The following DCAF10 variants were observed in gnomAD, a reference collection of about 807,000 sequenced individuals.
DCAF10 encodes DDB1- and CUL4-associated factor 10.
In DCAF10, 19 loss-of-function variants were observed where a neutral mutation model predicts 51.9. The ratio of observed to expected loss-of-function variants is 0.37; its 90% CI spans 0.26 to 0.54. The LOEUF (loss-of-function observed/expected upper bound fraction) is 0.54. Ranked by LOEUF, DCAF10 falls within the 20% of genes least tolerant of loss-of-function variation. DCAF10 has a pLI of 0.87. For missense variants in DCAF10, 510 were observed against 730.6 expected (o/e 0.70, Z 3.48); for synonymous variants, 291 against 297.1 (o/e 0.98, Z 0.21).
chr9:37,848,037 G>A (rs572205175), intron 3 of DCAF10, among the ~76,000 whole-genome samples: 10 of 152,162 alleles, frequency 6.6e-5, no homozygotes, highest in Non-Finnish European at 1.0e-4. Flanking sequence ...TGGATTCGAA[G>A]ACTCCATATT....
At chr9:37,819,544 T>C (rs952869756) in intron 2 of DCAF10, 143 bp downstream of exon 2, 2 of 568,358 alleles carry the variant, frequency 3.5e-6, no homozygotes. Context: ...TAATCCCTTA[T>C]AAAACTAATC....
intron 2 of DCAF10, among the ~76,000 whole-genome samples, chr9:37,832,407 G>A (rs1404712344): frequency 1.3e-4 from 20 of 151,526 alleles, no homozygotes; most frequent in Non-Finnish European, 2.6e-4. Context: ...GCAGTGAGCC[G>A]AGATCACGCC....
chr9:37,833,557 G>T (rs1830064180), intron 2 of DCAF10, among the ~76,000 whole-genome samples: 2 of 151,990 alleles, frequency 1.3e-5, no homozygotes, highest in Non-Finnish European at 2.9e-5. Flanking sequence ...TTCATTTTCA[G>T]TTTCTTTTAT....
In DCAF10 at chr9:37,801,301, T is replaced by C. The variant is rs1343324908; in HGVS notation, c.435T>C (p.Phe145=). The C allele has an allele frequency of 6.3e-7, 1 of 1,598,012 alleles. No individual in the cohort carries two copies. The highest frequency in any genetic ancestry group is 1.1e-5 in the South Asian group (1 of 88,586). The change falls in exon 1 of 7, where the codon TTT becomes TTC. Residue 145 remains phenylalanine (F), a synonymous_variant. Coordinates refer to ENST00000377724, the MANE Select transcript of DCAF10 (RefSeq NM_024345.5). The surrounding 1 kb of genome is among the most constrained non-coding windows in gnomAD (Gnocchi z 5.5). ...GLFVDPARDN[F]RTMTSLYGSI... is the part of the protein sequence containing the mutation. The stretch of plus-strand genomic sequence containing the variant: ...TCGTGGACCCGGCGCGGGACAATTT[T>C]CGCACCATGACTAGCCTCTACGGTT...
At chr9:37,837,278 G>C (rs1830193037) in intron 2 of DCAF10, among the ~76,000 whole-genome samples, 1 of 151,800 alleles carries the variant, frequency 6.6e-6, no homozygotes, top group Admixed American at 6.6e-5. Flanking sequence ...GGCTAACACG[G>C]TGAAACCCCG....
In DCAF10 at chr9:37,866,763, G is replaced by A. The variant is rs1831145185; in HGVS notation, c.*5255G>A. On this transcript the variant is annotated 3_prime_UTR_variant, in exon 7 of 7. Transcript: ENST00000377724. The stretch of plus-strand genomic sequence containing the variant: ...AGCAATTTTTTTTAGTTGCAACTAA[G>A]TAAGATATACTACAAACTAAGGATG... 1.3e-5 allele frequency: 2 copies of A among 152,568 alleles called. No individual in the cohort carries two copies. The highest frequency in any genetic ancestry group is 2.9e-5 in the Non-Finnish European group (2 of 68,032). The allele number at this position is 152,568 out of a possible 1,614,324, so 9.5% of individuals were successfully genotyped here. A position where few individuals can be genotyped will look rare whatever the true frequency, so the allele number is the denominator to read the frequency against.
At chr9:37,810,682 G>A (rs992423582) in intron 1 of DCAF10, among the ~76,000 whole-genome samples, 1 of 152,020 alleles carries the variant, frequency 6.6e-6, no homozygotes, top group Non-Finnish European at 1.5e-5. Context: ...GGCTGGTCTC[G>A]ACCTCCTGAC....
intron 3 of DCAF10, among the ~76,000 whole-genome samples, chr9:37,843,266 C>G (rs369641214): frequency 1.8e-4 from 27 of 152,246 alleles, no homozygotes; most frequent in Middle Eastern, 3.4e-3. Flanking sequence ...ATCCTCCTGC[C>G]TTAGCTCCCA....
intron 2 of DCAF10, among the ~76,000 whole-genome samples, chr9:37,841,564 C>A (rs906740742): frequency 6.6e-6 from 1 of 151,966 alleles, no homozygotes; most frequent in Non-Finnish European, 1.5e-5. Flanking sequence ...TTGGGAAATA[C>A]CTTTCAGTTA....
intron 2 of DCAF10, among the ~76,000 whole-genome samples, chr9:37,833,325 C>G (rs1019945022): frequency 6.6e-6 from 1 of 152,136 alleles, no homozygotes; most frequent in Admixed American, 6.5e-5. Context: ...TCCCAATAAA[C>G]CCATTGTCAG....
In DCAF10 at chr9:37,841,868, G is replaced by T. The variant is rs1830346239; in HGVS notation, c.654-221G>T. 2.0e-5 allele frequency among the ~76,000 whole-genome samples: 3 copies of T among 152,018 alleles called. No individual in the cohort carries two copies. The South Asian group carries it at 6.2e-4, about 32-fold the overall frequency. On this transcript the variant is annotated intron_variant, in intron 2 of 6. Coordinates refer to ENST00000377724, the MANE Select transcript of DCAF10 (RefSeq NM_024345.5). ...AAAAATCAGTAATTTAAAGCAAATG[G>T]ATCCAATTGCAATATGACTGTCATT...
At chr9:37,816,887 T>G (rs570028689) in intron 1 of DCAF10, among the ~76,000 whole-genome samples, 3 of 152,264 alleles carry the variant, frequency 2.0e-5, no homozygotes, top group African/African-American at 7.2e-5. Flanking sequence ...TTCAACAAAA[T>G]TTTTTAACAG....
intron 3 of DCAF10, among the ~76,000 whole-genome samples, chr9:37,853,649 CA>C (rs199868947): frequency 0.02 from 2,989 of 152,066 alleles, 99 homozygotes; most frequent in African/African-American, 0.068. Flanking sequence ...GTTATATGCT[CA>C]GGCTGGTGTG....
At chr9:37,825,480 C>G (rs1228599377) in intron 2 of DCAF10, among the ~76,000 whole-genome samples, 1 of 152,116 alleles carries the variant, frequency 6.6e-6, no homozygotes, top group South Asian at 2.1e-4. Flanking sequence ...GAACAGAAAA[C>G]CAAATACTGC....
At chr9:37,819,026 T>C (rs1829628534) in intron 1 of DCAF10, among the ~76,000 whole-genome samples, 1 of 152,214 alleles carries the variant, frequency 6.6e-6, no homozygotes, top group South Asian at 2.1e-4. Flanking sequence ...TCAAAACATA[T>C]GCCCATTTTA....
intron 2 of DCAF10, among the ~76,000 whole-genome samples, chr9:37,834,664 C>T (rs963408): frequency 1 from 152,250 of 152,358 alleles, 76,071 homozygotes; most frequent in Middle Eastern, 1. Context: ...TTCTGTAGAC[C>T]GAATAAAATA....
chr9:37,828,515 AG>A (rs1244733240), intron 2 of DCAF10, among the ~76,000 whole-genome samples: 2 of 152,220 alleles, frequency 1.3e-5, no homozygotes, highest in Non-Finnish European at 2.9e-5. Flanking sequence ...ATCATAAAGA[AG>A]TTGATTCTCC....
At chr9:37,851,587 G>A (rs1459941411) in intron 3 of DCAF10, among the ~76,000 whole-genome samples, 4 of 151,488 alleles carry the variant, frequency 2.6e-5, no homozygotes, top group African/African-American at 9.7e-5. Context: ...TTGAGGTCAG[G>A]AGTTTGAGAC....
At position 37,854,977 on chromosome 9, in the gene DCAF10, G is replaced by A. The variant is rs1239655414; in HGVS notation, c.1049G>A (p.Ser350Asn). 6.2e-6 allele frequency: 10 copies of A among 1,604,664 alleles called. No homozygotes were observed. Among genetic ancestry groups the A allele is most frequent in the African/African-American group, 1.3e-5 (1 of 74,288 alleles). Residue 350 changes from serine (S) to asparagine (N), a missense_variant, in exon 4 of 7, where the codon AGT (serine) becomes AAT (asparagine). By Grantham distance (46) the Ser-to-Asn change is conservative (BLOSUM62 1). Transcript: ENST00000377724. Reference sequence around the variant, plus strand: ...TTAAGAGCAAGAAGAACTACTTCAAGTTCAGGTAAGCTTTTCTTTTTTGGT... The same window carrying A: ...TTAAGAGCAAGAAGAACTACTTCAAATTCAGGTAAGCTTTTCTTTTTTGGT... ...PILRARRTTS[S>N]SDLTTSSSSS...
Sources: gnomAD v4.1 joint callset for allele counts (sites outside exome capture counted in the v4.1 genomes callset) on GRCh38, gnomAD v4.1.1 for gene constraint, Gnocchi (gnomAD v3.1) non-coding constraint, MANE v1.5 for transcripts, NCBI Gene and HGNC (gene_info 2026-07-23, HGNC 2026-07-21) for gene names.